SULF1: variants seen among roughly 807,000 people sequenced by gnomAD.
The protein encoded by SULF1 is sulfatase 1.
In SULF1, 46 loss-of-function variants were observed where a neutral mutation model predicts 110.5. The observed-to-expected ratio is 0.42, with a 90% CI of 0.33 to 0.53. SULF1 has a LOEUF of 0.53. Ranked by LOEUF, SULF1 falls within the 20% of genes least tolerant of loss-of-function variation. The pLI, the probability that SULF1 is intolerant of heterozygous loss-of-function variation, is 0.12. For missense variants in SULF1, 941 were observed against 1,094.2 expected (o/e 0.86, Z 1.98); for synonymous variants, 371 against 387.1 (o/e 0.96, Z 0.49).
intron 22 of SULF1, among the ~76,000 whole-genome samples, chr8:69,652,711 A>G (rs6472473): frequency 6.6e-6 from 1 of 152,008 alleles, no homozygotes; most frequent in Non-Finnish European, 1.5e-5. Flanking sequence ...TGTGCCCATC[A>G]CTGAGTTTTG....
intron 3 of SULF1, among the ~76,000 whole-genome samples, chr8:69,529,106 A>T (rs1205276125): frequency 1.3e-5 from 2 of 152,176 alleles, no homozygotes; most frequent in African/African-American, 4.8e-5. Context: ...ACTAATAAGG[A>T]AACTGAGATC....
rs1809579622 is a variant in SULF1, at chr8:69,621,242, G to C, written c.1585G>C (p.Gly529Arg). The C allele has an allele frequency of 6.2e-7, 1 of 1,612,126 alleles. No individual in the cohort carries two copies. The highest frequency in any genetic ancestry group is 1.3e-5 in the African/African-American group (1 of 74,862). The change falls in exon 14 of 23, where the codon GGG becomes CGG. Residue 529 changes from glycine (G) to arginine (R), a missense_variant. By Grantham distance (125) the Gly-to-Arg change is moderately radical (BLOSUM62 -2). Coordinates refer to ENST00000402687, the MANE Select transcript of SULF1 (RefSeq NM_001128205.2). Reference sequence around the variant, plus strand: ...TCAACGGCAATTCTTGAGAAACCAGGGGACTCCAAGTAAGCCACGCTTTTG... The same window carrying C: ...TCAACGGCAATTCTTGAGAAACCAGCGGACTCCAAGTAAGCCACGCTTTTG... ...KSQRQFLRNQ[G>R]TPKYKPRFVH...
At chr8:69,647,450 C>T (rs1812007604) in intron 22 of SULF1, among the ~76,000 whole-genome samples, 1 of 152,122 alleles carries the variant, frequency 6.6e-6, no homozygotes, top group Non-Finnish European at 1.5e-5. Context: ...TAGGGTTGAA[C>T]ATTAATTGGC....
chr8:69,603,655 G>A lies in SULF1; in HGVS notation c.1246G>A (p.Gly416Ser). The A allele has an allele frequency of 6.2e-7, 1 of 1,611,928 alleles. No homozygotes were observed. Among genetic ancestry groups the A allele is most frequent in the Non-Finnish European group, 8.5e-7 (1 of 1,177,976 alleles). The change falls in exon 12 of 23, where the codon GGC (glycine) becomes AGC (serine). Residue 416 changes from glycine to serine, a missense_variant and splice_region_variant. By Grantham distance (56) the Gly-to-Ser change is moderately conservative (BLOSUM62 0). Coordinates refer to ENST00000402687, the MANE Select transcript of SULF1 (RefSeq NM_001128205.2). ...GCGTGATACATTCCTAGTGGAAAGAGGGTAATTATTGGTTCCTGGGGTGCT... is the reference window on the plus strand; with the variant it reads ...GCGTGATACATTCCTAGTGGAAAGAAGGTAATTATTGGTTCCTGGGGTGCT... Reference protein sequence around the residue: ...IWRDTFLVERGKFLRKKEESS... With the variant: ...IWRDTFLVERSKFLRKKEESS...
rs56386460 is a variant in SULF1 at position 69,510,945 on chromosome 8, TACACACACACACAC to T, written c.-134+9005_-134+9018del. Among the ~76,000 whole-genome samples, 429 of 141,228 alleles carry T rather than the reference TACACACACACACAC, an allele frequency of 3.0e-3. 3 individuals carry two copies. The highest frequency in any genetic ancestry group is 4.3e-3 in the Non-Finnish European group (278 of 65,114). The allele number at this position is 141,228 out of a possible 152,430, so 92.7% of individuals were successfully genotyped here. On this transcript the variant is annotated intron_variant, in intron 3 of 22. Coordinates refer to ENST00000402687, the MANE Select transcript of SULF1 (RefSeq NM_001128205.2). ...TAATAATGTTAGTCCATATCATCAT[TACACACACACACAC>T]ACACACACACACACACACACACACA...
intron 3 of SULF1, among the ~76,000 whole-genome samples, chr8:69,537,644 T>C (rs1181522635): frequency 2.0e-5 from 3 of 152,242 alleles, no homozygotes. Flanking sequence ...TTACCATTTT[T>C]ACCACAAAGG....
chr8:69,605,276 G>C (rs1808149365), intron 13 of SULF1, among the ~76,000 whole-genome samples: 1 of 152,198 alleles, frequency 6.6e-6, no homozygotes, highest in Admixed American at 6.5e-5. Flanking sequence ...TCAAAGCACA[G>C]GTACGTGCTG....
rs116414981 is a variant in SULF1 at position 69,513,781 on chromosome 8, T to C, written c.-134+11813T>C. Among the ~76,000 whole-genome samples, 519 of 152,306 alleles carry C rather than the reference T, an allele frequency of 3.4e-3. 3 individuals are homozygous for C. Among genetic ancestry groups the C allele is most frequent in the African/African-American group, 0.012 (495 of 41,568 alleles). On this transcript the variant is annotated intron_variant, in intron 3 of 22. Coordinates refer to ENST00000402687, the MANE Select transcript of SULF1 (RefSeq NM_001128205.2). ...CCCTTGGTGTGGCCAGGGTTTCTAA[T>C]TGGACTTCCATCATTTCAGCCACAT... is the stretch of plus-strand genomic sequence containing the variant.
intron 8 of SULF1, among the ~76,000 whole-genome samples, chr8:69,599,031 A>G (rs994423530): frequency 1.3e-5 from 2 of 152,288 alleles, no homozygotes; most frequent in African/African-American, 4.8e-5. Context: ...AGCAGGTGGC[A>G]TTTATATGAC....
chr8:69,602,712 G>A (rs1373043944), intron 10 of SULF1, among the ~76,000 whole-genome samples: 1 of 152,146 alleles, frequency 6.6e-6, no homozygotes, highest in Non-Finnish European at 1.5e-5. Flanking sequence ...GAATGTTATT[G>A]TGCTTCCTAA....
Position 69,515,981 on chromosome 8 carries a change from G to A in SULF1, c.-134+14013G>A, listed in dbSNP as rs547121487. On this transcript the variant is annotated intron_variant, in intron 3 of 22. Transcript: ENST00000402687. ...TATCCATATCACTATCAGCATTTTG[G>A]TCACAACCATTCAGCAAGTCTCCAG... Among the ~76,000 whole-genome samples the A allele has an allele frequency of 2.6e-5, 4 of 152,200 alleles. No homozygotes were observed. The East Asian group carries it at 7.7e-4, about 29-fold the overall frequency.
At position 69,508,758 on chromosome 8, in the gene SULF1, C is replaced by A. The variant is rs115426181; in HGVS notation, c.-134+6790C>A. Among the ~76,000 whole-genome samples the A allele has an allele frequency of 4.7e-4, 72 of 152,162 alleles. 1 individual carries two copies. The highest frequency in any genetic ancestry group is 1.7e-3 in the African/African-American group (70 of 41,524). On this transcript the variant is annotated intron_variant, in intron 3 of 22. Coordinates refer to ENST00000402687, the MANE Select transcript of SULF1 (RefSeq NM_001128205.2). ...GTATTTATTACATGAAGTATAAATA[C>A]CCCAGGAGATTAAATCCATCCTGCC...
chr8:69,633,768 A>C (rs1810764820), intron 19 of SULF1, among the ~76,000 whole-genome samples: 1 of 152,078 alleles, frequency 6.6e-6, no homozygotes. Context: ...GCACCCATCA[A>C]CCCGTCATCT....
At chr8:69,553,302 T>C (rs754278969) in intron 3 of SULF1, among the ~76,000 whole-genome samples, 1 of 152,238 alleles carries the variant, frequency 6.6e-6, no homozygotes, top group Non-Finnish European at 1.5e-5. Context: ...ATGCAAGAGA[T>C]CTTGATATGG....
chr8:69,570,091 G>A (rs750892354), intron 5 of SULF1, among the ~76,000 whole-genome samples: 18 of 152,150 alleles, frequency 1.2e-4, no homozygotes, highest in Admixed American at 5.2e-4. Context: ...TAATACAAAC[G>A]ACTTAAATAT....
chr8:69,600,611 G>T lies in SULF1; in HGVS notation c.743G>T (p.Ser248Ile). ...YPNASQHITP[S>I]YNYAPNMDKH... ...TTTCTGGATATTTTCAGAACTCCTA[G>T]TTATAACTATGCACCAAATATGGAT... The change falls in exon 9 of 23, where the codon AGT (serine) becomes ATT (isoleucine). Residue 248 changes from serine (S) to isoleucine (I), a missense_variant. Physicochemically the swap from Ser to Ile is moderately radical, Grantham distance 142. This residue lies in a region of SULF1 where 822 missense variants were observed against 934.3 expected (regional missense o/e 0.88). Coordinates refer to ENST00000402687, the MANE Select transcript of SULF1 (RefSeq NM_001128205.2). 1 of 1,610,364 alleles carries T rather than the reference G, an allele frequency of 6.2e-7. No individual in the cohort carries two copies. Among genetic ancestry groups the T allele is most frequent in the Non-Finnish European group, 8.5e-7 (1 of 1,177,748 alleles).
chr8:69,628,062 TACA>T (rs1381540147), intron 17 of SULF1, 106 bp from the exon 18 acceptor site: 12 of 1,015,198 alleles, frequency 1.2e-5, no homozygotes, highest in African/African-American at 6.5e-5. Flanking sequence ...CTAAAATACT[TACA>T]ACATCACTGC....
Position 69,505,954 on chromosome 8 carries a change from A to G in SULF1, c.-134+3986A>G, listed in dbSNP as rs114723053. Among the ~76,000 whole-genome samples the G allele has an allele frequency of 5.1e-3, 774 of 152,142 alleles. 10 individuals carry two copies. Among genetic ancestry groups the G allele is most frequent in the African/African-American group, 0.017 (723 of 41,510 alleles). On this transcript the variant is annotated intron_variant, in intron 3 of 22. Coordinates refer to ENST00000402687, the MANE Select transcript of SULF1 (RefSeq NM_001128205.2). ...CAGTTGGTCTTTTCTTTATAAGTAT[A>G]TACTAAGTAGAATCATAGAAAATTG...
At chr8:69,491,728 C>A (rs1489510562), upstream of SULF1, among the ~76,000 whole-genome samples, 1 of 152,238 alleles carries the variant, frequency 6.6e-6, no homozygotes, top group Non-Finnish European at 1.5e-5. Context: ...CAGGTAAGAT[C>A]TGGTCAGCTG....
Sources: allele counts gnomAD v4.1 joint callset (sites outside exome capture counted in the v4.1 genomes callset), GRCh38; gene constraint gnomAD v4.1.1; regional missense constraint gnomAD v4.1.1; transcripts MANE v1.5; gene names NCBI Gene and HGNC (gene_info 2026-07-23, HGNC 2026-07-21).